Variants in CEP57L1 observed in about 807,000 individuals in gnomAD.
The protein encoded by CEP57L1 is centrosomal protein CEP57L1.
Under a neutral mutation model 61.0 loss-of-function variants are expected in CEP57L1, and 37 were observed. The observed-to-expected ratio is 0.61, with a 90% CI of 0.47 to 0.80. The LOEUF (loss-of-function observed/expected upper bound fraction) is 0.80, where lower values mean the gene tolerates loss of function less well. Ranked by LOEUF, CEP57L1 falls within the 30% of genes least tolerant of loss-of-function variation. The probability of loss-of-function intolerance (pLI) is 0.00; values close to 1 mark genes in which losing one functional copy is unlikely to be tolerated. For synonymous variants in CEP57L1, 137 were observed against 162.3 expected (o/e 0.84, Z 1.19); for missense variants, 422 against 524.7 (o/e 0.80, Z 1.91).
At chr6:109,104,983 G>T (rs893247376) in intron 1 of CEP57L1, among the ~76,000 whole-genome samples, 1 of 152,042 alleles carries the variant, frequency 6.6e-6, no homozygotes, top group Non-Finnish European at 1.5e-5. Flanking sequence ...GAAGTAGAAC[G>T]TTTTTGTCCT....
Position 109,164,709 on chromosome 6 carries a change from T to G in CEP57L1, c.*1739T>G, listed in dbSNP as rs1773976169. On this transcript the variant is annotated 3_prime_UTR_variant, in exon 11 of 11. Transcript: ENST00000517392. Reference sequence around the variant, plus strand: ...TCTGTGCCTTTGTTTTCTATACATTTAGGAAGGTGGCTGAATATATTTAGT... The same window carrying G: ...TCTGTGCCTTTGTTTTCTATACATTGAGGAAGGTGGCTGAATATATTTAGT... Among the ~76,000 whole-genome samples, 1 of 152,170 alleles carries G rather than the reference T, an allele frequency of 6.6e-6. No individual in the cohort carries two copies. The highest frequency in any genetic ancestry group is 1.9e-4 in the East Asian group (1 of 5,190).
At position 109,135,516 on chromosome 6, in the gene CEP57L1, T is replaced by C. The variant is rs550953548; in HGVS notation, c.-3-9703T>C. On this transcript the variant is annotated intron_variant, in intron 1 of 10. Transcript: ENST00000517392. ...GACATAGGCATGGGCAAGGACTTCATGTCAAAAACACCAAAAACAATGGCA... is the reference window on the plus strand; with the variant it reads ...GACATAGGCATGGGCAAGGACTTCACGTCAAAAACACCAAAAACAATGGCA... Among the ~76,000 whole-genome samples the C allele has an allele frequency of 2.0e-5, 3 of 152,300 alleles. No individual in the cohort carries two copies. The East Asian group carries it at 5.8e-4, about 29-fold the overall frequency.
At chr6:109,142,250 G>A (rs1420209469) in intron 1 of CEP57L1, among the ~76,000 whole-genome samples, 1 of 152,102 alleles carries the variant, frequency 6.6e-6, no homozygotes, top group Non-Finnish European at 1.5e-5. Context: ...AGAAAATGTG[G>A]TACATATATT....
At chr6:109,108,241 C>CT (rs1056595278) in intron 1 of CEP57L1, among the ~76,000 whole-genome samples, 1,416 of 137,942 alleles carry the variant, frequency 0.01, 11 homozygotes, top group South Asian at 0.017. Context: ...ACATTTTTCT[C>CT]TTTTTTTTTT....
At position 109,173,841 on chromosome 6, in the gene CEP57L1, A is replaced by G. The variant is rs962201169; in HGVS notation, c.*10871A>G. ...GGGCTGAACGTAGTGGCTCACGCCT[A>G]TAATCCCAGCACTTTGGGAGGCAAA... On this transcript the variant is annotated 3_prime_UTR_variant, in exon 11 of 11. Transcript: ENST00000517392. 3.3e-5 allele frequency among the ~76,000 whole-genome samples: 5 copies of G among 151,954 alleles called. No homozygotes were observed. The highest frequency in any genetic ancestry group is 1.3e-4 in the Admixed American group (2 of 15,266).
chr6:109,130,661 T>G (rs1774077054), intron 1 of CEP57L1: 1 of 148,306 alleles, frequency 6.7e-6, no homozygotes, highest in Non-Finnish European at 1.5e-5. Context: ...TCTGCTGGTT[T>G]TGTTTTTTTT....
chr6:109,130,412 C>A (rs1363178978), intron 1 of CEP57L1, among the ~76,000 whole-genome samples: 1 of 152,116 alleles, frequency 6.6e-6, no homozygotes, highest in Non-Finnish European at 1.5e-5. Context: ...GTCAGAGTTT[C>A]CTTCCTTTTT....
chr6:109,149,769 TTTGTTTGTA>T (rs1772388240), intron 3 of CEP57L1, among the ~76,000 whole-genome samples: 1 of 152,238 alleles, frequency 6.6e-6, no homozygotes, highest in South Asian at 2.1e-4. Context: ...TGTTCTTCCA[TTTGTTTGTA>T]TCCTCTTTTA....
upstream of CEP57L1, chr6:109,095,185 C>T: frequency 2.0e-6 from 2 of 985,562 alleles, no homozygotes; most frequent in Non-Finnish European, 2.4e-6. Flanking sequence ...AGGCGCTAAG[C>T]TTGCGCCCTG....
intron 1 of CEP57L1, among the ~76,000 whole-genome samples, chr6:109,118,689 G>A (rs568095793): frequency 1.3e-5 from 2 of 152,312 alleles, no homozygotes; most frequent in South Asian, 2.1e-4. Flanking sequence ...TGACAAACCC[G>A]TGTTTGTGTT....
chr6:109,123,098 C>CT (rs1196693565), intron 1 of CEP57L1, among the ~76,000 whole-genome samples: 2 of 152,068 alleles, frequency 1.3e-5, no homozygotes, highest in Non-Finnish European at 2.9e-5. Flanking sequence ...TCAGGGTATT[C>CT]TTACCTAAGT....
chr6:109,162,427 G>A (rs1259011795), intron 10 of CEP57L1, among the ~76,000 whole-genome samples: 1 of 151,844 alleles, frequency 6.6e-6, no homozygotes, highest in Non-Finnish European at 1.5e-5. Flanking sequence ...TCCGACTTTG[G>A]CCTTCTTACA....
intron 1 of CEP57L1, among the ~76,000 whole-genome samples, chr6:109,112,041 A>G (rs145837433): frequency 0.012 from 1,771 of 152,292 alleles, 24 homozygotes; most frequent in South Asian, 0.029. Flanking sequence ...GGCCTCATAA[A>G]TGAGTTAGGG....
chr6:109,145,623 A>G (rs1180506955), intron 2 of CEP57L1, among the ~76,000 whole-genome samples: 2 of 151,996 alleles, frequency 1.3e-5, no homozygotes, highest in Non-Finnish European at 2.9e-5. Context: ...TCATAAAAAC[A>G]TCATTTGAAA....
At chr6:109,136,975 T>G (rs979609397) in intron 1 of CEP57L1, among the ~76,000 whole-genome samples, 1 of 152,086 alleles carries the variant, frequency 6.6e-6, no homozygotes, top group Non-Finnish European at 1.5e-5. Context: ...GGTCTTGAAC[T>G]CCTGGGGTCT....
chr6:109,138,338 AG>A (rs1770967967), intron 1 of CEP57L1, among the ~76,000 whole-genome samples: 1 of 152,200 alleles, frequency 6.6e-6, no homozygotes, highest in South Asian at 2.1e-4. Flanking sequence ...CTAGGATGGT[AG>A]CATAGGCCAA....
intron 4 of CEP57L1, among the ~76,000 whole-genome samples, chr6:109,152,390 G>T (rs1772713873): frequency 1.3e-5 from 2 of 151,906 alleles, no homozygotes; most frequent in Admixed American, 6.6e-5. Context: ...CCATGTTGGG[G>T]CAGGCTGGTC....
At chr6:109,109,274 T>C (rs1325795419) in intron 1 of CEP57L1, among the ~76,000 whole-genome samples, 1 of 152,222 alleles carries the variant, frequency 6.6e-6, no homozygotes, top group African/African-American at 2.4e-5. Flanking sequence ...ATTTGGAAAA[T>C]GCATGCTTCA....
At chr6:109,133,054 T>G (rs566547237) in intron 1 of CEP57L1, among the ~76,000 whole-genome samples, 5 of 152,232 alleles carry the variant, frequency 3.3e-5, no homozygotes, top group African/African-American at 1.2e-4. Flanking sequence ...AGAATTATCT[T>G]TGAATTGTTC....
Sources: allele counts gnomAD v4.1 joint callset (sites outside exome capture counted in the v4.1 genomes callset), GRCh38; gene constraint gnomAD v4.1.1; transcripts MANE v1.5; gene names NCBI Gene and HGNC (gene_info 2026-07-23, HGNC 2026-07-21).